HDLBP: variants seen among roughly 807,000 people sequenced by gnomAD.
HDLBP encodes high density lipoprotein binding protein, also known as vigilin.
Under a neutral mutation model 137.3 loss-of-function variants are expected in HDLBP, and 30 were observed. That is an observed-to-expected ratio of 0.22 (90% confidence interval 0.16 to 0.30). The LOEUF (loss-of-function observed/expected upper bound fraction) is 0.30. Among genes scored for constraint, HDLBP ranks in the 10% least tolerant of loss-of-function variants. The pLI is 1.00. For synonymous variants in HDLBP, 606 were observed against 596.0 expected (o/e 1.02, Z -0.24); for missense variants, 1,119 against 1,667.3 (o/e 0.67, Z 5.73).
chr2:241,296,568 T>G (rs1169141003), intron 1 of HDLBP, among the ~76,000 whole-genome samples: 1 of 152,222 alleles, frequency 6.6e-6, no homozygotes, highest in Admixed American at 6.5e-5. Context: ...TTTCAATGTC[T>G]GGAAAACATC....
rs112233392 is a variant in HDLBP, at chr2:241,289,957, T to TA, written c.-102-21417dup. ...GCAGAGATAGCGAGACATAAAAAGC[T>TA]AAAAAAAAAAAATCTGGAAAGTAAC... is the stretch of plus-strand genomic sequence containing the variant. On this transcript the variant is annotated intron_variant, in intron 1 of 27. Coordinates refer to ENST00000310931, the MANE Select transcript of HDLBP (RefSeq NM_005336.6). Among the ~76,000 whole-genome samples the TA allele has an allele frequency of 2.4e-3, 337 of 143,244 alleles. 1 individual carries two copies. The highest frequency in any genetic ancestry group is 0.018 in the East Asian group (88 of 4,954). 94.0% of individuals were successfully genotyped at this position (143,244 alleles called of 152,430 possible). A position where few individuals can be genotyped will look rare whatever the true frequency, so the allele number is the denominator to read the frequency against.
At chr2:241,259,192 AG>A (rs1190955163) in intron 5 of HDLBP, among the ~76,000 whole-genome samples, 2 of 152,204 alleles carry the variant, frequency 1.3e-5, no homozygotes, top group Non-Finnish European at 2.9e-5. Context: ...AAATAATAAA[AG>A]AAAAAAAGCA....
At chr2:241,249,755 C>T in intron 12 of HDLBP, 86 bp downstream of exon 12, 1 of 1,322,318 alleles carries the variant, frequency 7.6e-7, no homozygotes, top group Non-Finnish European at 1.0e-6. Flanking sequence ...TTCTCTAAGG[C>T]CGCACACCAC....
At chr2:241,265,025 C>A (rs1356502210) in intron 3 of HDLBP, among the ~76,000 whole-genome samples, 3 of 152,258 alleles carry the variant, frequency 2.0e-5, no homozygotes. Flanking sequence ...ACAGAGCAGA[C>A]CCCTGCATTT....
intron 5 of HDLBP, among the ~76,000 whole-genome samples, chr2:241,262,141 T>C (rs559483144): frequency 2.4e-4 from 36 of 152,282 alleles, no homozygotes; most frequent in Non-Finnish European, 5.0e-4. Flanking sequence ...GAAACTGGCT[T>C]AAAACAGAAT....
At chr2:241,261,212 A>AAAAAG (rs1553645513) in intron 5 of HDLBP, among the ~76,000 whole-genome samples, 2 of 148,692 alleles carry the variant, frequency 1.3e-5, no homozygotes, top group Admixed American at 6.7e-5. Context: ...AAAAAAAAAA[A>AAAAAG]GGGGGTAGGA....
intron 20 of HDLBP, among the ~76,000 whole-genome samples, chr2:241,237,524 G>A (rs902925835): frequency 6.6e-6 from 1 of 152,200 alleles, no homozygotes; most frequent in Non-Finnish European, 1.5e-5. Flanking sequence ...AATCAAGGGT[G>A]ATCCTAGGAT....
At chr2:241,236,556 C>T in intron 21 of HDLBP, 59 bp downstream of exon 21, 2 of 1,576,144 alleles carry the variant, frequency 1.3e-6, no homozygotes, top group Non-Finnish European at 1.7e-6. Flanking sequence ...CACGCGTCTC[C>T]CCAGGTGCCT....
In HDLBP at chr2:241,238,796, A is replaced by G; in HGVS notation, c.2611-9T>C. The G allele has an allele frequency of 6.8e-7, 1 of 1,476,802 alleles. No individual in the cohort carries two copies. The highest frequency in any genetic ancestry group is 9.1e-7 in the Non-Finnish European group (1 of 1,102,530). 91.5% of individuals were successfully genotyped at this position (1,476,802 alleles called of 1,614,324 possible). A position where few individuals can be genotyped will look rare whatever the true frequency, so the allele number is the denominator to read the frequency against. On this transcript the variant is annotated splice_polypyrimidine_tract_variant and intron_variant, in intron 19 of 27. Coordinates refer to ENST00000310931, the MANE Select transcript of HDLBP (RefSeq NM_005336.6). This position sits in a 1 kb window ranked among gnomAD's most constrained non-coding sequence, Gnocchi z 4.9. ...AATGTCACCTGAGCTTCCTGGAGGGAGGTACACAAAGAAAAAAGAAAAGAG... is the reference window on the plus strand; with the variant it reads ...AATGTCACCTGAGCTTCCTGGAGGGGGGTACACAAAGAAAAAAGAAAAGAG...
In HDLBP at chr2:241,233,929, T is replaced by A. The variant is rs765585751; in HGVS notation, c.3179A>T (p.Asp1060Val). 1.2e-6 allele frequency: 2 copies of A among 1,614,058 alleles called. No individual in the cohort carries two copies. Among genetic ancestry groups the A allele is most frequent in the Admixed American group, 1.7e-5 (1 of 60,006 alleles). The change falls in exon 24 of 28, where the codon GAC (aspartate) becomes GTC (valine). Residue 1060 changes from aspartate (D) to valine (V), a missense_variant. Physicochemically the swap from Asp to Val is radical, Grantham distance 152. Coordinates refer to ENST00000310931, the MANE Select transcript of HDLBP (RefSeq NM_005336.6). The surrounding 1 kb of genome is among the most constrained non-coding windows in gnomAD (Gnocchi z 4.3). ...LRSFKLSVTVDPKYHPKIIGR... is the reference protein window; with the variant it reads ...LRSFKLSVTVVPKYHPKIIGR... ...GATAATCTTGGGATGGTATTTGGGGTCTACAGTGACACTCAGCTTAAAACT... is the reference window on the plus strand; with the variant it reads ...GATAATCTTGGGATGGTATTTGGGGACTACAGTGACACTCAGCTTAAAACT...
At chr2:241,285,952 T>C (rs150933853) in intron 1 of HDLBP, among the ~76,000 whole-genome samples, 2 of 152,220 alleles carry the variant, frequency 1.3e-5, no homozygotes, top group African/African-American at 4.8e-5. Flanking sequence ...TGAACCCAAT[T>C]TGAAGCTGCA....
chr2:241,269,144 C>G (rs1382976566), intron 1 of HDLBP: 1 of 152,132 alleles, frequency 6.6e-6, no homozygotes, highest in African/African-American at 2.4e-5. Flanking sequence ...TTGAAAGGAA[C>G]CTTCAAAGGC....
rs2074100166 is a variant in HDLBP, at chr2:241,272,164, C to G, written c.-102-3623G>C. 2 of 985,060 alleles carry G rather than the reference C, an allele frequency of 2.0e-6. No individual in the cohort carries two copies. The highest frequency in any genetic ancestry group is 1.2e-4 in the Admixed American group (2 of 16,270). 61.0% of individuals were successfully genotyped at this position (985,060 alleles called of 1,614,324 possible). On this transcript the variant is annotated intron_variant, in intron 1 of 27. Transcript: ENST00000310931. This position sits in a 1 kb window ranked among gnomAD's most constrained non-coding sequence, Gnocchi z 5.6. ...GAGCAGCTTTCCCCACCCCCGAACA[C>G]GTAGACTGACGCGGGCCCCGCGCGG...
rs1024166283 is a variant in HDLBP at position 241,250,253 on chromosome 2, G to C, written c.1373-273C>G. The C allele has an allele frequency of 1.3e-5, 4 of 310,482 alleles. No individual in the cohort carries two copies. In the South Asian group the frequency reaches 2.4e-4, roughly 19 times the overall value. 19.2% of individuals were successfully genotyped at this position (310,482 alleles called of 1,614,324 possible). ...GAGACCTTCAAATAACTGACGGTTG[G>C]GGCCACTCAGTCTGGGATTTAGCTC... On this transcript the variant is annotated intron_variant, in intron 11 of 27. Transcript: ENST00000310931.
At chr2:241,290,934 G>T (rs2074995340) in intron 1 of HDLBP, among the ~76,000 whole-genome samples, 1 of 152,106 alleles carries the variant, frequency 6.6e-6, no homozygotes, top group Non-Finnish European at 1.5e-5. Flanking sequence ...AAAAATATGT[G>T]CCATGAAAAT....
chr2:241,311,902 C>T (rs975892377), intron 1 of HDLBP, among the ~76,000 whole-genome samples: 2 of 152,202 alleles, frequency 1.3e-5, no homozygotes, highest in African/African-American at 4.8e-5. Flanking sequence ...CTAGGAACTT[C>T]CTACCTATTC....
At chr2:241,249,290 C>T (rs531107526) in intron 12 of HDLBP, 2 of 470,624 alleles carry the variant, frequency 4.2e-6, no homozygotes, top group Admixed American at 4.7e-5. Context: ...CAGGCACTCA[C>T]GCAGTATTTG....
At chr2:241,299,505 C>CAAAAAAAAAAAAAAAAAAAAAAAA (rs11423330) in intron 1 of HDLBP, among the ~76,000 whole-genome samples, 1 of 49,596 alleles carries the variant, frequency 2.0e-5, no homozygotes, top group Non-Finnish European at 3.6e-5. Context: ...GGCTCCGTCT[C>CAAAAAAAAAAAAAAAAAAAAAAAA]AAAAAAAAAA....
intron 11 of HDLBP, chr2:241,250,470 C>T (rs181868411): frequency 9.9e-4 from 153 of 154,380 alleles, no homozygotes; most frequent in Non-Finnish European, 1.5e-3. Context: ...ACTGTTGGCT[C>T]AGATTCACAC....
Sources: gnomAD v4.1 joint callset for allele counts (sites outside exome capture counted in the v4.1 genomes callset) on GRCh38, gnomAD v4.1.1 for gene constraint, Gnocchi (gnomAD v3.1) non-coding constraint, MANE v1.5 for transcripts, NCBI Gene and HGNC (gene_info 2026-07-23, HGNC 2026-07-21) for gene names.